Variants in FUT9 observed in about 807,000 individuals in gnomAD.
The protein encoded by FUT9 is 4-galactosyl-N-acetylglucosaminide 3-alpha-L-fucosyltransferase 9.
In FUT9, 15 loss-of-function variants were observed where a neutral mutation model predicts 29.7. The ratio of observed to expected loss-of-function variants is 0.51; its 90% CI spans 0.34 to 0.78. The LOEUF is 0.78. FUT9 is among the 30% of genes least tolerant of loss of function. The pLI is 0.01. For synonymous variants in FUT9, 169 were observed against 153.7 expected, an observed-to-expected ratio of 1.10 and a Z score of -0.74; for missense variants, 319 against 425.4, an observed-to-expected ratio of 0.75 and a Z score of 2.20.
intron 2 of FUT9, among the ~76,000 whole-genome samples, 152 bp from the exon 3 acceptor site, chr6:96,202,996 C>T (rs1773755472): frequency 6.6e-6 from 1 of 152,114 alleles, no homozygotes; most frequent in Non-Finnish European, 1.5e-5. Flanking sequence ...AGTTCTGTTT[C>T]TCTCAATGGT....
intron 2 of FUT9, among the ~76,000 whole-genome samples, chr6:96,198,120 T>C (rs1005228451): frequency 2.6e-4 from 39 of 152,124 alleles, no homozygotes; most frequent in Admixed American, 3.9e-4. Flanking sequence ...TTTCCTTTTT[T>C]TTTATTATTA....
At chr6:96,128,476 T>G (rs147008537) in intron 2 of FUT9, among the ~76,000 whole-genome samples, 181 of 152,292 alleles carry the variant, frequency 1.2e-3, no homozygotes, top group African/African-American at 4.1e-3. Context: ...GTTCATAACA[T>G]TCATCGTTAT....
At chr6:96,104,641 C>A in intron 1 of FUT9, among the ~76,000 whole-genome samples, 1 of 152,184 alleles carries the variant, frequency 6.6e-6, no homozygotes, top group Admixed American at 6.5e-5. Context: ...TGCCATTCTC[C>A]TGCCTCAGCC....
At chr6:96,039,471 G>C (rs1479381568) in intron 1 of FUT9, among the ~76,000 whole-genome samples, 1 of 152,106 alleles carries the variant, frequency 6.6e-6, no homozygotes, top group African/African-American at 2.4e-5. Flanking sequence ...GTTTTACACT[G>C]TGCACCCGCT....
intron 1 of FUT9, among the ~76,000 whole-genome samples, chr6:96,055,363 G>A (rs931504221): frequency 4.1e-5 from 6 of 146,496 alleles, no homozygotes; most frequent in Admixed American, 7.0e-5. Flanking sequence ...TTTAAATCTC[G>A]AGTTAATGGC....
At chr6:96,058,991 C>G (rs1382422319) in intron 1 of FUT9, among the ~76,000 whole-genome samples, 7 of 151,922 alleles carry the variant, frequency 4.6e-5, no homozygotes, top group Admixed American at 3.9e-4. Context: ...GTTGCATTTG[C>G]CAGGAAAATG....
chr6:96,089,457 A>G (rs1186918485), intron 1 of FUT9, among the ~76,000 whole-genome samples: 5 of 152,166 alleles, frequency 3.3e-5, no homozygotes, highest in Admixed American at 3.3e-4. Flanking sequence ...TCCTTTCTCA[A>G]AGAACGTGTG....
chr6:96,143,601 A>T (rs939290123), intron 2 of FUT9, among the ~76,000 whole-genome samples: 1 of 150,056 alleles, frequency 6.7e-6, no homozygotes, highest in Non-Finnish European at 1.5e-5. Context: ...CCCTTTCCCC[A>T]TATCTCAACC....
At chr6:96,185,374 T>C (rs1361185029) in intron 2 of FUT9, among the ~76,000 whole-genome samples, 1 of 152,060 alleles carries the variant, frequency 6.6e-6, no homozygotes, top group East Asian at 1.9e-4. Context: ...AATATAGTAA[T>C]TGACTAGATG....
intron 1 of FUT9, among the ~76,000 whole-genome samples, chr6:96,028,006 TA>T (rs1261593173): frequency 6.6e-6 from 1 of 151,592 alleles, no homozygotes; most frequent in African/African-American, 2.4e-5. Flanking sequence ...TTTCAAGGAA[TA>T]AAAAGGTTGG....
At chr6:96,089,736 G>C (rs541648936) in intron 1 of FUT9, among the ~76,000 whole-genome samples, 7 of 152,216 alleles carry the variant, frequency 4.6e-5, no homozygotes, top group African/African-American at 1.4e-4. Flanking sequence ...CCAACACAAA[G>C]AAGTAACCAG....
At chr6:96,171,899 T>C (rs150893305) in intron 2 of FUT9, among the ~76,000 whole-genome samples, 56 of 152,332 alleles carry the variant, frequency 3.7e-4, no homozygotes, top group African/African-American at 1.3e-3. Context: ...TTGTCTAATA[T>C]GTAAGACCTT....
intron 1 of FUT9, among the ~76,000 whole-genome samples, chr6:96,035,423 T>C (rs1336464640): frequency 6.6e-6 from 1 of 151,388 alleles, no homozygotes; most frequent in African/African-American, 2.4e-5. Context: ...CTTCATCTCA[T>C]CTTCCTTTGC....
At chr6:96,108,343 C>T (rs1771732099) in intron 1 of FUT9, among the ~76,000 whole-genome samples, 1 of 152,086 alleles carries the variant, frequency 6.6e-6, no homozygotes, top group Non-Finnish European at 1.5e-5. Context: ...GGGTTCCAGT[C>T]CAGCTGTACC....
intron 2 of FUT9, among the ~76,000 whole-genome samples, chr6:96,169,698 C>T (rs1046791458): frequency 6.6e-6 from 1 of 151,958 alleles, no homozygotes; most frequent in Non-Finnish European, 1.5e-5. Flanking sequence ...ATAATTAAGC[C>T]TTTGTTTCTC....
At chr6:96,154,284 C>T (rs4840226) in intron 2 of FUT9, among the ~76,000 whole-genome samples, 138,806 of 152,224 alleles carry the variant, frequency 0.91, 64,654 homozygotes, top group Non-Finnish European at 1. Flanking sequence ...TCTGTTAATG[C>T]TGAGTTTTTA....
chr6:96,156,871 G>A (rs1229138021), intron 2 of FUT9, among the ~76,000 whole-genome samples: 1 of 152,098 alleles, frequency 6.6e-6, no homozygotes, highest in Non-Finnish European at 1.5e-5. Flanking sequence ...TGTGTGCTGA[G>A]GTTTGGAACT....
chr6:96,083,734 A>G (rs530586987), intron 1 of FUT9, among the ~76,000 whole-genome samples: 9 of 152,222 alleles, frequency 5.9e-5, no homozygotes, highest in African/African-American at 2.2e-4. Flanking sequence ...CCTCCACATT[A>G]AAAAGAAATA....
intron 2 of FUT9, among the ~76,000 whole-genome samples, chr6:96,193,551 C>A (rs1431620930): frequency 5.9e-5 from 9 of 151,680 alleles, no homozygotes; most frequent in Admixed American, 1.3e-4. Context: ...AATCAGGAAA[C>A]AACAAGTGCT....
Sources: gnomAD v4.1 joint callset for allele counts (sites outside exome capture counted in the v4.1 genomes callset) on GRCh38, gnomAD v4.1.1 for gene constraint, MANE v1.5 for transcripts, NCBI Gene and HGNC (gene_info 2026-07-23, HGNC 2026-07-21) for gene names.